The following ASB7 variants were observed in gnomAD, a reference collection of about 807,000 sequenced individuals.
The protein encoded by ASB7 is ankyrin repeat and SOCS box protein 7.
In ASB7, 4 loss-of-function variants were observed where a neutral mutation model predicts 32.5. The ratio of observed to expected loss-of-function variants is 0.12; its 90% CI spans 0.06 to 0.28. The LOEUF is 0.28. Ranked by LOEUF, ASB7 falls within the 10% of genes least tolerant of loss-of-function variation. The pLI is 1.00. For synonymous variants in ASB7, 172 were observed against 155.6 expected, an observed-to-expected ratio of 1.11 and a Z score of -0.78; for missense variants, 181 against 407.1, an observed-to-expected ratio of 0.44 and a Z score of 4.78.
At chr15:100,604,031 A>G (rs2039611626) in intron 2 of ASB7, among the ~76,000 whole-genome samples, 1 of 152,210 alleles carries the variant, frequency 6.6e-6, no homozygotes, top group South Asian at 2.1e-4. Context: ...TACACCTCAG[A>G]TTTTCTAGGA....
chr15:100,628,872 A>G (rs890274416), intron 4 of ASB7, among the ~76,000 whole-genome samples: 5 of 152,232 alleles, frequency 3.3e-5, no homozygotes, highest in Non-Finnish European at 7.3e-5. Context: ...TGAAAAAACA[A>G]TTTGTCAAGA....
intron 5 of ASB7, chr15:100,646,524 T>C (rs1597014063): frequency 6.9e-6 from 3 of 435,842 alleles, no homozygotes; most frequent in Non-Finnish European, 1.4e-5. Context: ...GGAACTCATT[T>C]CTGCCCTTTA....
chr15:100,636,474 G>T (rs1473732585), intron 5 of ASB7, among the ~76,000 whole-genome samples: 1 of 152,208 alleles, frequency 6.6e-6, no homozygotes, highest in Non-Finnish European at 1.5e-5. Context: ...TCATCCCAAA[G>T]ATCCCCCAAC....
chr15:100,643,236 C>G (rs1046732368), intron 5 of ASB7, among the ~76,000 whole-genome samples: 1 of 152,050 alleles, frequency 6.6e-6, no homozygotes, highest in Non-Finnish European at 1.5e-5. Flanking sequence ...GCTGCATCAC[C>G]TTTTATGACT....
At chr15:100,637,684 C>G (rs867824734) in intron 5 of ASB7, among the ~76,000 whole-genome samples, 13 of 152,334 alleles carry the variant, frequency 8.5e-5, no homozygotes, top group Middle Eastern at 3.4e-3. Flanking sequence ...AAGAAACACC[C>G]ACTTGTCTAG....
intron 4 of ASB7, among the ~76,000 whole-genome samples, chr15:100,617,420 A>G (rs2039753083): frequency 6.6e-6 from 1 of 152,176 alleles, no homozygotes; most frequent in Non-Finnish European, 1.5e-5. Flanking sequence ...AGAGTCACTG[A>G]GTGCAAAGGT....
intron 5 of ASB7, among the ~76,000 whole-genome samples, chr15:100,631,521 C>T (rs1300767458): frequency 1.3e-5 from 2 of 152,284 alleles, no homozygotes; most frequent in East Asian, 3.9e-4. Flanking sequence ...GTTGTTCTCT[C>T]AACTTCTACA....
rs762422274 is a variant in ASB7 at position 100,648,370 on chromosome 15, T to C, written c.865T>C (p.Cys289Arg). 3.1e-6 allele frequency: 5 copies of C among 1,610,790 alleles called. No individual in the cohort carries two copies. Among genetic ancestry groups the C allele is most frequent in the South Asian group, 1.1e-5 (1 of 90,622 alleles). Residue 289 changes from cysteine to arginine, a missense_variant, in exon 6 of 6, where the codon TGT (cysteine) becomes CGT (arginine). Physicochemically the swap from Cys to Arg is radical, Grantham distance 180. Transcript: ENST00000332783. Reference protein sequence around the residue: ...QDLCRIKIRQCIGLQNLKLLD... With the variant: ...QDLCRIKIRQRIGLQNLKLLD... ...CCTGTGCCGAATTAAAATTCGACAA[T>C]GTATAGGCCTTCAAAACCTAAAGCT... is the stretch of plus-strand genomic sequence containing the variant.
chr15:100,625,053 C>G (rs1286686343), intron 4 of ASB7, among the ~76,000 whole-genome samples: 3 of 152,144 alleles, frequency 2.0e-5, no homozygotes, highest in African/African-American at 7.2e-5. Flanking sequence ...ATGGAACAGT[C>G]TTAAATACCT....
chr15:100,613,152 C>T (rs2039710987), intron 4 of ASB7, among the ~76,000 whole-genome samples: 1 of 152,134 alleles, frequency 6.6e-6, no homozygotes, highest in South Asian at 2.1e-4. Flanking sequence ...CCCACATTAT[C>T]TCTGTAAATT....
intron 5 of ASB7, among the ~76,000 whole-genome samples, chr15:100,641,681 A>G (rs532203308): frequency 5.9e-5 from 9 of 152,200 alleles, no homozygotes; most frequent in Non-Finnish European, 1.2e-4. Flanking sequence ...TTAAACTGTC[A>G]TCTAGTTTTC....
At chr15:100,631,438 T>C (rs2039882860) in intron 5 of ASB7, among the ~76,000 whole-genome samples, 1 of 152,198 alleles carries the variant, frequency 6.6e-6, no homozygotes. Context: ...TGCAGAAAGC[T>C]TCTGAGACAC....
intron 5 of ASB7, among the ~76,000 whole-genome samples, chr15:100,633,308 G>T (rs1216515053): frequency 6.6e-6 from 1 of 152,160 alleles, no homozygotes; most frequent in African/African-American, 2.4e-5. Flanking sequence ...TGGGCGCAGT[G>T]GCTCATGCCT....
chr15:100,651,038 T>G lies in ASB7; in HGVS notation c.*2576T>G, dbSNP rs960298364. 1.3e-5 allele frequency: 2 copies of G among 152,234 alleles called. No homozygotes were observed. Among genetic ancestry groups the G allele is most frequent in the African/African-American group, 2.4e-5 (1 of 41,472 alleles). 9.4% of individuals were successfully genotyped at this position (152,234 alleles called of 1,614,324 possible). On this transcript the variant is annotated 3_prime_UTR_variant, in exon 6 of 6. Coordinates refer to ENST00000332783, the MANE Select transcript of ASB7 (RefSeq NM_198243.3). ...GAAAATGTTCAGAATATTTTCAAAT[T>G]TGTCAGATTCTTTTATGTTTCCTTT... is the stretch of plus-strand genomic sequence containing the variant.
At chr15:100,617,747 T>A (rs371714872) in intron 4 of ASB7, among the ~76,000 whole-genome samples, 51 of 152,398 alleles carry the variant, frequency 3.3e-4, no homozygotes, top group African/African-American at 1.1e-3. Flanking sequence ...TTCTTTATTT[T>A]ATGTCTATAT....
At chr15:100,644,996 G>C (rs948848689) in intron 5 of ASB7, among the ~76,000 whole-genome samples, 9 of 152,228 alleles carry the variant, frequency 5.9e-5, no homozygotes, top group African/African-American at 2.2e-4. Flanking sequence ...AGGCCTTACA[G>C]AGCAGAGGTC....
chr15:100,642,248 C>T (rs1427775679), intron 5 of ASB7, among the ~76,000 whole-genome samples: 1 of 152,094 alleles, frequency 6.6e-6, no homozygotes, highest in Non-Finnish European at 1.5e-5. Flanking sequence ...GCATTTCTGT[C>T]AGTGCTTCCC....
chr15:100,631,396 A>AGG (rs781643331), intron 5 of ASB7, among the ~76,000 whole-genome samples: 16 of 152,176 alleles, frequency 1.1e-4, no homozygotes, highest in Middle Eastern at 6.8e-3. Context: ...GCCTTGGGAG[A>AGG]GGTATCTGGG....
rs754073639 is a variant in ASB7 at position 100,612,215 on chromosome 15, G to T, written c.-2G>T. ...CCTTTGTAAAAAGTGGACTCAGCTA[G>T]GATGTTACACCATCATTGTCGAAGG... On this transcript the variant is annotated 5_prime_UTR_variant, in exon 4 of 6. In the 5' UTR this introduces an upstream ATG that the reference lacks. Coordinates refer to ENST00000332783, the MANE Select transcript of ASB7 (RefSeq NM_198243.3). 6.8e-6 allele frequency: 11 copies of T among 1,611,454 alleles called. No individual in the cohort carries two copies. The highest frequency in any genetic ancestry group is 9.3e-6 in the Non-Finnish European group (11 of 1,177,946).
Sources: allele counts gnomAD v4.1 joint callset (sites outside exome capture counted in the v4.1 genomes callset), GRCh38; gene constraint gnomAD v4.1.1; transcripts MANE v1.5; gene names NCBI Gene and HGNC (gene_info 2026-07-23, HGNC 2026-07-21).